The following GPC5 variants were observed in gnomAD, a reference collection of about 807,000 sequenced individuals.
The protein encoded by GPC5 is glypican-5.
GPC5 carries 47 observed loss-of-function variants against 53.9 expected under a neutral mutation model. The ratio of observed to expected loss-of-function variants is 0.87; its 90% CI spans 0.69 to 1.11. The LOEUF is 1.11. Among genes scored for constraint, GPC5 ranks in the 50% most tolerant of loss-of-function variants. GPC5 has a pLI of 0.00. For missense variants in GPC5, 748 were observed against 713.1 expected (o/e 1.05, Z -0.56); for synonymous variants, 286 against 263.3 (o/e 1.09, Z -0.84).
chr13:91,646,859 G>A (rs1045308284), intron 2 of GPC5, among the ~76,000 whole-genome samples: 2 of 152,044 alleles, frequency 1.3e-5, no homozygotes, highest in Non-Finnish European at 2.9e-5. Flanking sequence ...ACAGAGCATG[G>A]GTGGATGTAT....
chr13:91,616,031 A>G (rs2139335951), intron 2 of GPC5, among the ~76,000 whole-genome samples: 1 of 152,272 alleles, frequency 6.6e-6, no homozygotes, highest in Middle Eastern at 3.4e-3. Flanking sequence ...GAATCCAGTG[A>G]TTATATTGAC....
chr13:91,429,989 A>G (rs1215662481), intron 1 of GPC5, among the ~76,000 whole-genome samples: 1 of 152,186 alleles, frequency 6.6e-6, no homozygotes, highest in Non-Finnish European at 1.5e-5. Flanking sequence ...TAAAAGATAA[A>G]AGAGTGCAAG....
chr13:92,410,242 C>A (rs1875985126), intron 7 of GPC5, among the ~76,000 whole-genome samples: 1 of 152,164 alleles, frequency 6.6e-6, no homozygotes, highest in South Asian at 2.1e-4. Context: ...GGGCAGTAAT[C>A]TAACAGCGGC....
intron 7 of GPC5, among the ~76,000 whole-genome samples, chr13:92,159,259 G>T (rs2041968401): frequency 6.6e-6 from 1 of 152,178 alleles, no homozygotes; most frequent in African/African-American, 2.4e-5. Context: ...AAAAGAGGGA[G>T]AGGGGAAAGC....
intron 5 of GPC5, 74 bp downstream of exon 5, chr13:91,756,494 A>T: frequency 7.8e-7 from 1 of 1,281,804 alleles, no homozygotes; most frequent in Non-Finnish European, 1.1e-6. Flanking sequence ...TAAGGGGATT[A>T]ATTCAGTCTT....
chr13:92,547,341 A>C, intron 7 of GPC5, among the ~76,000 whole-genome samples: 1 of 152,240 alleles, frequency 6.6e-6, no homozygotes, highest in East Asian at 1.9e-4. Context: ...CTGCAAAGAA[A>C]GACTTTATCT....
At chr13:92,115,180 T>C (rs181952558) in intron 6 of GPC5, among the ~76,000 whole-genome samples, 31 of 152,284 alleles carry the variant, frequency 2.0e-4, no homozygotes, top group Admixed American at 1.5e-3. Flanking sequence ...TTTGGATAAA[T>C]GCATAGTCAT....
chr13:91,650,749 A>C (rs2034679809), intron 2 of GPC5, among the ~76,000 whole-genome samples: 1 of 67,060 alleles, frequency 1.5e-5, no homozygotes, highest in South Asian at 5.5e-4. Context: ...AATTCCCATA[A>C]GTTTTTTTTT....
At chr13:92,784,989 G>C (rs892536755) in intron 7 of GPC5, among the ~76,000 whole-genome samples, 1 of 152,048 alleles carries the variant, frequency 6.6e-6, no homozygotes, top group African/African-American at 2.4e-5. Context: ...CAGTAAAAAA[G>C]CCTGGGGCCA....
chr13:91,677,707 T>C (rs1404189677), intron 2 of GPC5, among the ~76,000 whole-genome samples: 1 of 152,194 alleles, frequency 6.6e-6, no homozygotes, highest in Non-Finnish European at 1.5e-5. Context: ...GGTAAATGTT[T>C]ATAAAGAAAA....
chr13:91,471,378 A>G (rs115002667), intron 2 of GPC5, among the ~76,000 whole-genome samples: 1 of 152,008 alleles, frequency 6.6e-6, no homozygotes, highest in Non-Finnish European at 1.5e-5. Flanking sequence ...TGCATTTAAT[A>G]CATTTAATCC....
At chr13:91,460,913 C>T (rs1881890658) in intron 2 of GPC5, among the ~76,000 whole-genome samples, 1 of 152,092 alleles carries the variant, frequency 6.6e-6, no homozygotes, top group Non-Finnish European at 1.5e-5. Context: ...AATTTTACAA[C>T]CATTTCTCAA....
intron 7 of GPC5, among the ~76,000 whole-genome samples, chr13:92,419,573 A>G (rs79339617): frequency 0.014 from 2,156 of 152,308 alleles, 55 homozygotes; most frequent in African/African-American, 0.049. Flanking sequence ...TTGTCTTGAC[A>G]TTTCATATTA....
intron 7 of GPC5, among the ~76,000 whole-genome samples, chr13:92,491,524 A>T (rs1879760706): frequency 6.6e-6 from 1 of 152,152 alleles, no homozygotes; most frequent in African/African-American, 2.4e-5. Flanking sequence ...TTCTCAACAC[A>T]CATCGGCAGC....
At chr13:91,501,603 C>T (rs990003910) in intron 2 of GPC5, among the ~76,000 whole-genome samples, 10 of 152,300 alleles carry the variant, frequency 6.6e-5, no homozygotes, top group African/African-American at 2.4e-5. Flanking sequence ...GCATAGTATT[C>T]CATGGTGTAT....
At chr13:91,619,910 A>G (rs1319219250) in intron 2 of GPC5, among the ~76,000 whole-genome samples, 3 of 152,104 alleles carry the variant, frequency 2.0e-5, no homozygotes, top group Non-Finnish European at 4.4e-5. Flanking sequence ...TCTTTGTTCA[A>G]TTTGTACTGA....
At chr13:92,033,889 C>CTAAAA (rs1240041556) in intron 6 of GPC5, among the ~76,000 whole-genome samples, 1 of 152,074 alleles carries the variant, frequency 6.6e-6, no homozygotes, top group African/African-American at 2.4e-5. Flanking sequence ...TAGCTGGCCA[C>CTAAAA]TAATAGTTGT....
chr13:91,405,246 G>T (rs1877234751), intron 1 of GPC5, among the ~76,000 whole-genome samples: 2 of 152,116 alleles, frequency 1.3e-5, no homozygotes, highest in Admixed American at 1.3e-4. Flanking sequence ...GCAATTCTTT[G>T]TTGTGGGGTG....
chr13:92,698,243 GCCATGTTGGTGTGCTGCAC>G lies in GPC5; in HGVS notation c.1562-168034_1562-168016del, dbSNP rs569535908. Among the ~76,000 whole-genome samples the G allele has an allele frequency of 6.5e-3, 989 of 152,016 alleles. 9 individuals carry two copies. The highest frequency in any genetic ancestry group is 0.023 in the African/African-American group (947 of 41,462). ...ACGTTAGTTACATATGTATACATGT[GCCATGTTGGTGTGCTGCAC>G]CCATTAACTCAACATTTAACATTAG... On this transcript the variant is annotated intron_variant, in intron 7 of 7. Transcript: ENST00000377067.
Sources: allele counts gnomAD v4.1 joint callset (sites outside exome capture counted in the v4.1 genomes callset), GRCh38; gene constraint gnomAD v4.1.1; transcripts MANE v1.5; gene names NCBI Gene and HGNC (gene_info 2026-07-23, HGNC 2026-07-21).